The following RABGAP1L variants were observed in gnomAD, a reference collection of about 807,000 sequenced individuals.
The protein encoded by RABGAP1L is RAB GTPase activating protein 1 like, also known as rab GTPase-activating protein 1-like.
In RABGAP1L, 63 loss-of-function variants were observed where a neutral mutation model predicts 137.7. The ratio of observed to expected loss-of-function variants is 0.46; its 90% CI spans 0.37 to 0.56. The LOEUF is 0.56. Ranked by LOEUF, RABGAP1L falls within the 20% of genes least tolerant of loss-of-function variation. The probability of loss-of-function intolerance (pLI) is 0.00; values close to 1 mark genes in which losing one functional copy is unlikely to be tolerated. For missense variants in RABGAP1L, 1,095 were observed against 1,244.0 expected, an observed-to-expected ratio of 0.88 and a Z score of 1.80; for synonymous variants, 431 against 433.7, an observed-to-expected ratio of 0.99 and a Z score of 0.08.
chr1:174,545,847 A>G (rs1572263612), intron 13 of RABGAP1L: 1 of 152,216 alleles, frequency 6.6e-6, no homozygotes, highest in South Asian at 2.1e-4. Flanking sequence ...TACATTTTGA[A>G]TGCTTAATGT....
At chr1:174,711,179 G>GC (rs1310568455) in intron 17 of RABGAP1L, among the ~76,000 whole-genome samples, 1 of 151,884 alleles carries the variant, frequency 6.6e-6, no homozygotes, top group African/African-American at 2.4e-5. Context: ...ACGCTGGCCC[G>GC]CAAGTGCCAT....
intron 13 of RABGAP1L, among the ~76,000 whole-genome samples, chr1:174,506,021 T>G (rs1010894504): frequency 6.6e-6 from 1 of 152,214 alleles, no homozygotes; most frequent in African/African-American, 2.4e-5. Context: ...AGATGTTATA[T>G]TCTGTGAAAT....
chr1:174,271,073 G>A (rs772331025), intron 7 of RABGAP1L, among the ~76,000 whole-genome samples: 7 of 152,076 alleles, frequency 4.6e-5, no homozygotes, highest in Non-Finnish European at 7.4e-5. Flanking sequence ...TCATAGGAGA[G>A]AGATCATAGC....
chr1:174,174,381 T>C (rs570178081), intron 1 of RABGAP1L, among the ~76,000 whole-genome samples: 125 of 152,330 alleles, frequency 8.2e-4, no homozygotes, highest in African/African-American at 1.7e-3. Flanking sequence ...ATATATGTCC[T>C]GTATAGTATA....
chr1:174,778,472 A>G (rs1686708186), intron 18 of RABGAP1L, among the ~76,000 whole-genome samples: 1 of 152,200 alleles, frequency 6.6e-6, no homozygotes, highest in Non-Finnish European at 1.5e-5. Flanking sequence ...GAGCGTGGCA[A>G]ATGGTACCTA....
At chr1:174,414,603 C>G (rs1650327821) in intron 13 of RABGAP1L, among the ~76,000 whole-genome samples, 1 of 151,752 alleles carries the variant, frequency 6.6e-6, no homozygotes, top group Admixed American at 6.6e-5. Context: ...ACTTAGTGCT[C>G]CATGATTTTT....
At chr1:174,176,729 A>AT (rs1558005437) in intron 1 of RABGAP1L, among the ~76,000 whole-genome samples, 16 of 142,428 alleles carry the variant, frequency 1.1e-4, no homozygotes, top group African/African-American at 3.4e-4. Flanking sequence ...AAAAAAAAAA[A>AT]AAAAAAAAAA....
At chr1:174,527,099 G>A (rs1468259484) in intron 13 of RABGAP1L, among the ~76,000 whole-genome samples, 1 of 151,768 alleles carries the variant, frequency 6.6e-6, no homozygotes, top group Non-Finnish European at 1.5e-5. Context: ...TTGTTCAGGA[G>A]CATTTTGTTC....
chr1:174,559,454 T>G (rs553094301), intron 13 of RABGAP1L, among the ~76,000 whole-genome samples: 1 of 152,320 alleles, frequency 6.6e-6, no homozygotes, highest in South Asian at 2.1e-4. Context: ...AAAATAACCT[T>G]TTTATGTTCT....
chr1:174,291,497 C>T (rs1354048425), intron 10 of RABGAP1L, among the ~76,000 whole-genome samples: 1 of 151,998 alleles, frequency 6.6e-6, no homozygotes, highest in Non-Finnish European at 1.5e-5. Flanking sequence ...TTGTTTCTTC[C>T]TATATTTGCT....
At chr1:174,644,839 C>T (rs1168927556) in intron 14 of RABGAP1L, among the ~76,000 whole-genome samples, 2 of 152,118 alleles carry the variant, frequency 1.3e-5, no homozygotes, top group Non-Finnish European at 2.9e-5. Context: ...CAGAACCCTT[C>T]GTCCTTTCTC....
chr1:174,326,999 G>A (rs1355301255), intron 11 of RABGAP1L, among the ~76,000 whole-genome samples: 1 of 152,048 alleles, frequency 6.6e-6, no homozygotes, highest in Non-Finnish European at 1.5e-5. Context: ...AAATCTGAAG[G>A]CATTCTCAAA....
intron 13 of RABGAP1L, among the ~76,000 whole-genome samples, chr1:174,432,593 A>G (rs1226059670): frequency 2.0e-5 from 3 of 152,060 alleles, no homozygotes; most frequent in Non-Finnish European, 2.9e-5. Context: ...GCTGGAGTGC[A>G]ATGGCATGAT....
chr1:174,365,020 T>G (rs960510920), intron 11 of RABGAP1L, among the ~76,000 whole-genome samples: 2 of 152,174 alleles, frequency 1.3e-5, no homozygotes, highest in African/African-American at 2.4e-5. Context: ...CAGAGTCCTC[T>G]TTACTCTTTG....
At chr1:174,966,466 CTT>C (rs1051328779) in intron 20 of RABGAP1L, among the ~76,000 whole-genome samples, 3 of 151,244 alleles carry the variant, frequency 2.0e-5, no homozygotes, top group Non-Finnish European at 3.0e-5. Context: ...CTTCTCAAAT[CTT>C]TTTTTTTAAT....
At chr1:174,913,643 C>G (rs147954334) in intron 19 of RABGAP1L, among the ~76,000 whole-genome samples, 5 of 152,070 alleles carry the variant, frequency 3.3e-5, no homozygotes, top group Non-Finnish European at 7.4e-5. Flanking sequence ...CTGCCATGGT[C>G]GTATTTTAAA....
intron 19 of RABGAP1L, among the ~76,000 whole-genome samples, chr1:174,859,107 A>T (rs1192337959): frequency 1.3e-5 from 2 of 152,214 alleles, no homozygotes; most frequent in African/African-American, 4.8e-5. Flanking sequence ...AGACACATGC[A>T]TGCGTATATT....
At chr1:174,963,203 AATAAT>A (rs1253871575) in intron 20 of RABGAP1L, among the ~76,000 whole-genome samples, 1 of 152,226 alleles carries the variant, frequency 6.6e-6, no homozygotes, top group Non-Finnish European at 1.5e-5. Context: ...TATGTTATGA[AATAAT>A]GTGCTTTTAA....
At chr1:174,638,657 C>T (rs112875278) in intron 14 of RABGAP1L, among the ~76,000 whole-genome samples, 102 of 143,340 alleles carry the variant, frequency 7.1e-4, no homozygotes, top group African/African-American at 2.5e-3. Context: ...CAATGATAGA[C>T]TGGATTAAGA....
Sources: gnomAD v4.1 joint callset for allele counts (sites outside exome capture counted in the v4.1 genomes callset) on GRCh38, gnomAD v4.1.1 for gene constraint, MANE v1.5 for transcripts, NCBI Gene and HGNC (gene_info 2026-07-23, HGNC 2026-07-21) for gene names.